POC1B: variants seen among roughly 807,000 people sequenced by gnomAD.
POC1B encodes the protein POC1 centriolar protein homolog B.
POC1B carries 44 observed loss-of-function variants against 60.6 expected under a neutral mutation model. The observed-to-expected ratio is 0.73, with a 90% CI of 0.57 to 0.93. The LOEUF (loss-of-function observed/expected upper bound fraction) is 0.93. POC1B is among the 40% of genes least tolerant of loss of function. The pLI, the probability that POC1B is intolerant of heterozygous loss-of-function variation, is 0.00. For synonymous variants in POC1B, 180 were observed against 198.9 expected (o/e 0.90, Z 0.80); for missense variants, 555 against 572.3 (o/e 0.97, Z 0.31).
chr12:89,495,115 A>C, intron 3 of POC1B, among the ~76,000 whole-genome samples: 1 of 152,218 alleles, frequency 6.6e-6, no homozygotes, highest in Non-Finnish European at 1.5e-5. Flanking sequence ...TTAGAAAGAG[A>C]AACTAGGGAC....
intron 11 of POC1B, among the ~76,000 whole-genome samples, chr12:89,424,340 G>A (rs1014399569): frequency 6.6e-6 from 1 of 152,180 alleles, no homozygotes; most frequent in African/African-American, 2.4e-5. Flanking sequence ...TTTTTTAGCT[G>A]CTCTAATGAT....
intron 9 of POC1B, chr12:89,459,993 AAAAAT>A (rs1474278294): frequency 9.3e-6 from 4 of 431,920 alleles, no homozygotes; most frequent in Admixed American, 3.1e-5. Flanking sequence ...AAGGAATATT[AAAAAT>A]AAAATAAAAT....
chr12:89,462,338 G>C (rs181282930), intron 9 of POC1B, among the ~76,000 whole-genome samples: 17 of 152,276 alleles, frequency 1.1e-4, no homozygotes, highest in African/African-American at 4.1e-4. Context: ...GCCTTGAAAT[G>C]AAGTGGGCTG....
chr12:89,480,146 T>G (rs951507759), intron 4 of POC1B, among the ~76,000 whole-genome samples: 4 of 151,920 alleles, frequency 2.6e-5, no homozygotes, highest in African/African-American at 9.7e-5. Flanking sequence ...TCTTTCGTTT[T>G]TTTTTTTTGA....
rs556394209 is a variant in POC1B, at chr12:89,502,206, T to C, written c.101-4864A>G. On this transcript the variant is annotated intron_variant, in intron 2 of 11. Transcript: ENST00000313546. ...ATTTAATGTCTGGAAAGAATAATAA[T>C]GATGTGGATGATGAGGAAGTTCCTG... 10 of 1,138,134 alleles carry C rather than the reference T, an allele frequency of 8.8e-6. No homozygotes were observed. The Admixed American group carries it at 1.1e-4, about 13-fold the overall frequency. 70.5% of individuals were successfully genotyped at this position (1,138,134 alleles called of 1,614,324 possible).
intron 2 of POC1B, among the ~76,000 whole-genome samples, chr12:89,515,693 G>A (rs4842494): frequency 0.72 from 108,892 of 151,830 alleles, 39,164 homozygotes; most frequent in Middle Eastern, 0.82. Context: ...AGCAGAACAT[G>A]AGCACTTCTC....
intron 10 of POC1B, among the ~76,000 whole-genome samples, chr12:89,452,967 A>G (rs1009150419): frequency 6.6e-6 from 1 of 152,200 alleles, no homozygotes; most frequent in African/African-American, 2.4e-5. Flanking sequence ...CAAGGATCCA[A>G]CTAATTTGCA....
chr12:89,483,257 G>T (rs1868450552), intron 4 of POC1B, among the ~76,000 whole-genome samples: 1 of 152,080 alleles, frequency 6.6e-6, no homozygotes, highest in Non-Finnish European at 1.5e-5. Flanking sequence ...TTTATAAGGG[G>T]CTTTTCCCCC....
intron 2 of POC1B, chr12:89,502,270 A>C: frequency 6.5e-7 from 1 of 1,541,678 alleles, no homozygotes; most frequent in Non-Finnish European, 8.9e-7. Context: ...AGTGATACCA[A>C]AGAACAGAAT....
At chr12:89,468,069 C>T (rs74426002) in intron 7 of POC1B, among the ~76,000 whole-genome samples, 1,816 of 152,232 alleles carry the variant, frequency 0.012, 36 homozygotes, top group African/African-American at 0.042. Context: ...GGGAATGAGG[C>T]TATTTACATG....
At chr12:89,514,733 A>T (rs1023192875) in intron 2 of POC1B, among the ~76,000 whole-genome samples, 12 of 151,916 alleles carry the variant, frequency 7.9e-5, no homozygotes, top group Non-Finnish European at 1.3e-4. Flanking sequence ...TTGCAGTAGG[A>T]GAACAGACTA....
chr12:89,503,232 A>C (rs953635090), intron 2 of POC1B, among the ~76,000 whole-genome samples: 10 of 149,956 alleles, frequency 6.7e-5, no homozygotes, highest in African/African-American at 2.4e-4. Flanking sequence ...CTCCTGCCTC[A>C]GCCTGCCGAG....
chr12:89,445,958 C>T (rs1422643542), intron 10 of POC1B, among the ~76,000 whole-genome samples: 1 of 152,186 alleles, frequency 6.6e-6, no homozygotes, highest in African/African-American at 2.4e-5. Flanking sequence ...TAAACAGACA[C>T]TTCTCAAAAG....
downstream of POC1B, among the ~76,000 whole-genome samples, chr12:89,417,598 C>G (rs1189181236): frequency 6.6e-6 from 1 of 152,182 alleles, no homozygotes; most frequent in African/African-American, 2.4e-5. Flanking sequence ...CCTTTAACAT[C>G]TACTATAACA....
intron 2 of POC1B, among the ~76,000 whole-genome samples, chr12:89,509,074 C>T (rs577781379): frequency 3.0e-4 from 46 of 152,280 alleles, no homozygotes; most frequent in Non-Finnish European, 4.9e-4. Flanking sequence ...AATTTTCTAA[C>T]CCATCATTCT....
intron 2 of POC1B, among the ~76,000 whole-genome samples, chr12:89,510,933 TTAGTA>T (rs1870152334): frequency 6.6e-6 from 1 of 151,684 alleles, no homozygotes; most frequent in East Asian, 2.0e-4. Context: ...TTTTTTGTAT[TTAGTA>T]CAGACAGGGT....
Position 89,518,795 on chromosome 12 carries a change from C to T in POC1B, c.100+6325G>A, listed in dbSNP as rs117255587. On this transcript the variant is annotated intron_variant, in intron 2 of 11. Transcript: ENST00000313546. The stretch of plus-strand genomic sequence containing the variant: ...GTGATTTACACAGAGCTGCAAGTCA[C>T]TTAGAGAGTAAGGTTAGAATACAAG... Among the ~76,000 whole-genome samples the T allele has an allele frequency of 3.2e-4, 48 of 152,192 alleles. No individual in the cohort carries two copies. In the East Asian group the frequency reaches 9.1e-3, roughly 29 times the overall value.
At chr12:89,524,846 C>T (rs868752879) in intron 2 of POC1B, 20 of 617,568 alleles carry the variant, frequency 3.2e-5, no homozygotes, top group Admixed American at 6.0e-5. Flanking sequence ...CCCTCCCCTT[C>T]CCACTCACTC....
rs996456268 is a variant in POC1B at position 89,482,898 on chromosome 12, C to T, written c.452+9038G>A. ...GGGACCTGGTGGGAGGTAATTGAAT[C>T]ATGGGGGTGGTTACCCTAACGCTAT... On this transcript the variant is annotated intron_variant, in intron 4 of 11. Transcript: ENST00000313546. Among the ~76,000 whole-genome samples the T allele has an allele frequency of 8.0e-4, 121 of 151,476 alleles. 2 individuals are homozygous for T. The highest frequency in any genetic ancestry group is 2.9e-3 in the African/African-American group (121 of 41,256).
Sources: allele counts gnomAD v4.1 joint callset (sites outside exome capture counted in the v4.1 genomes callset), GRCh38; gene constraint gnomAD v4.1.1; transcripts MANE v1.5; gene names NCBI Gene and HGNC (gene_info 2026-07-23, HGNC 2026-07-21).